Variants in SLC25A29 observed in about 807,000 individuals in gnomAD.
The protein encoded by SLC25A29 is solute carrier family 25 member 29.
A neutral mutation model predicts 10.0 loss-of-function variants in SLC25A29; 13 were observed. The ratio of observed to expected loss-of-function variants is 1.30; its 90% CI spans 0.85 to 2.07. SLC25A29 has a LOEUF of 2.07. SLC25A29 is among the 30% of genes most tolerant of loss of function. SLC25A29 has a pLI of 0.00. For missense variants in SLC25A29, 475 were observed against 447.6 expected (o/e 1.06, Z -0.55); for synonymous variants, 244 against 221.1 (o/e 1.10, Z -0.92).
At chr14:100,293,476 G>A in intron 2 of SLC25A29, 99 bp from the exon 3 acceptor site, 1 of 1,056,194 alleles carries the variant, frequency 9.5e-7, no homozygotes, top group Non-Finnish European at 1.4e-6. Flanking sequence ...TCCCAAGGAG[G>A]CCGGGCACTC....
At position 100,298,870 on chromosome 14, in the gene SLC25A29, A is replaced by G. The variant is rs771580720; in HGVS notation, c.50T>C (p.Leu17Pro). The change falls in exon 2 of 4, where the codon CTT becomes CCT. Residue 17 changes from leucine (L) to proline (P), a missense_variant. Leu to Pro is a moderately conservative substitution (Grantham distance 98). Coordinates refer to ENST00000359232, the MANE Select transcript of SLC25A29 (RefSeq NM_001039355.3). ...GACCGTGTCAAACGGGTGTCCCACA[A>G]GCACGCCTGCCACACCTGGAGGAGG... Reference protein sequence around the residue: ...AGCAGGVAGVLVGHPFDTVKV... With the variant: ...AGCAGGVAGVPVGHPFDTVKV... The G allele has an allele frequency of 6.2e-7, 1 of 1,614,236 alleles. No homozygotes were observed. The highest frequency in any genetic ancestry group is 1.1e-5 in the South Asian group (1 of 91,086).
the SLC25A29 span, chr14:100,281,155 A>AG: frequency 6.8e-6 from 1 of 146,256 alleles, no homozygotes; most frequent in Admixed American, 6.9e-5. Context: ...GATCACTTCC[A>AG]GGGTCTCTGA....
the SLC25A29 span, among the ~76,000 whole-genome samples, chr14:100,285,393 C>T: frequency 2.6e-5 from 4 of 151,840 alleles, no homozygotes; most frequent in African/African-American, 9.7e-5. Flanking sequence ...CCCCCACCCG[C>T]AGGGTGCGCC....
chr14:100,288,771 A>C (rs945311826), downstream of SLC25A29, among the ~76,000 whole-genome samples: 2 of 152,192 alleles, frequency 1.3e-5, no homozygotes, highest in Admixed American at 6.5e-5. Context: ...TATCCAATGA[A>C]ATATGCCATG....
chr14:100,289,498 C>G (rs1891614067), downstream of SLC25A29, among the ~76,000 whole-genome samples: 1 of 152,116 alleles, frequency 6.6e-6, no homozygotes, highest in Non-Finnish European at 1.5e-5. Flanking sequence ...AGCCTGGATT[C>G]TGGTAGTATT....
In SLC25A29 at chr14:100,293,319, A is replaced by C. The variant is rs1891903012; in HGVS notation, c.137T>G (p.Phe46Cys). ...KPQYRGTLHC[F>C]KSIIKQESVL... ...GCTCTCTTGCTTGATGATGGACTTGAAGCAGTGCAACGTCCCGCGGTACTG... is the reference window on the plus strand; with the variant it reads ...GCTCTCTTGCTTGATGATGGACTTGCAGCAGTGCAACGTCCCGCGGTACTG... Residue 46 changes from phenylalanine (F) to cysteine (C), a missense_variant, in exon 3 of 4, where the codon TTC becomes TGC. Physicochemically the swap from Phe to Cys is radical, Grantham distance 205. Coordinates refer to ENST00000359232, the MANE Select transcript of SLC25A29 (RefSeq NM_001039355.3). The C allele has an allele frequency of 1.2e-6, 2 of 1,613,360 alleles. No homozygotes were observed. Among genetic ancestry groups the C allele is most frequent in the Non-Finnish European group, 1.7e-6 (2 of 1,179,986 alleles).
At chr14:100,287,276 A>C (rs570432884), downstream of SLC25A29, among the ~76,000 whole-genome samples, 1 of 152,348 alleles carries the variant, frequency 6.6e-6, no homozygotes, top group East Asian at 1.9e-4. Flanking sequence ...CTGAGATTGG[A>C]AAAACAGTTT....
chr14:100,293,634 G>T lies in SLC25A29; in HGVS notation c.79-257C>A, dbSNP rs561692353. On this transcript the variant is annotated intron_variant, in intron 2 of 3. Coordinates refer to ENST00000359232, the MANE Select transcript of SLC25A29 (RefSeq NM_001039355.3). The stretch of plus-strand genomic sequence containing the variant: ...TCCCCAAGATCTCAGACCAATTCAG[G>T]TTAAGCCTCTTGTTTACACTATGGC... 334 of 510,010 alleles carry T rather than the reference G, an allele frequency of 6.5e-4. 6 individuals are homozygous for T. In the South Asian group the frequency reaches 7.2e-3, roughly 11 times the overall value. The allele number at this position is 510,010 out of a possible 1,614,324, so 31.6% of individuals were successfully genotyped here. A position where few individuals can be genotyped will look rare whatever the true frequency, so the allele number is the denominator to read the frequency against.
At chr14:100,290,951 G>A (rs1457689028), downstream of SLC25A29, among the ~76,000 whole-genome samples, 1 of 152,252 alleles carries the variant, frequency 6.6e-6, no homozygotes, top group Non-Finnish European at 1.5e-5. Flanking sequence ...CCTTGCAGAT[G>A]AGAAAACAGG....
intron 1 of SLC25A29, among the ~76,000 whole-genome samples, chr14:100,300,830 A>G (rs951794028): frequency 6.6e-6 from 1 of 152,286 alleles, no homozygotes; most frequent in Admixed American, 6.5e-5. Flanking sequence ...TTTTATGTAA[A>G]TGGTTTATTT....
At chr14:100,296,066 A>G in intron 2 of SLC25A29, 1 of 1,247,194 alleles carries the variant, frequency 8.0e-7, no homozygotes, top group Non-Finnish European at 1.0e-6. Context: ...ACTGACACAG[A>G]CTCGGGTGGC....
At chr14:100,297,545 C>T (rs1202221927) in intron 2 of SLC25A29, among the ~76,000 whole-genome samples, 1 of 152,232 alleles carries the variant, frequency 6.6e-6, no homozygotes, top group Non-Finnish European at 1.5e-5. Flanking sequence ...CACAGTGCAA[C>T]GTGGACACTG....
In SLC25A29 at chr14:100,293,223, G is replaced by T. The variant is rs567898975; in HGVS notation, c.162+71C>A. On this transcript the variant is annotated intron_variant, in intron 3 of 3. Coordinates refer to ENST00000359232, the MANE Select transcript of SLC25A29 (RefSeq NM_001039355.3). ...ACCTTCCTTCCTGGCTCTCTGGTCTGGGGTGGTGGCAGCCCGGAAGCTAGT... is the reference window on the plus strand; with the variant it reads ...ACCTTCCTTCCTGGCTCTCTGGTCTTGGGTGGTGGCAGCCCGGAAGCTAGT... 2.7e-4 allele frequency: 421 copies of T among 1,549,560 alleles called. 5 individuals carry two copies. The South Asian group carries it at 4.7e-3, about 17-fold the overall frequency.
downstream of SLC25A29, among the ~76,000 whole-genome samples, chr14:100,288,093 A>G (rs1891581196): frequency 6.6e-6 from 1 of 152,124 alleles, no homozygotes; most frequent in Non-Finnish European, 1.5e-5. Context: ...GCCGCAAGAC[A>G]GTCTGGGGGC....
rs577941507 is a variant in SLC25A29, at chr14:100,300,783, G to C, written c.35-1898C>G. Among the ~76,000 whole-genome samples the C allele has an allele frequency of 3.9e-5, 6 of 152,282 alleles. No homozygotes were observed. The South Asian group carries it at 1.0e-3, about 26-fold the overall frequency. On this transcript the variant is annotated intron_variant, in intron 1 of 3. Transcript: ENST00000359232. ...AGTCTAAAGCAGTCTGATTTTGCTGGAACAACTGAGGGATCTGACATTTTT... is the reference window on the plus strand; with the variant it reads ...AGTCTAAAGCAGTCTGATTTTGCTGCAACAACTGAGGGATCTGACATTTTT...
At chr14:100,285,627 G>A in the SLC25A29 span, among the ~76,000 whole-genome samples, 1 of 152,100 alleles carries the variant, frequency 6.6e-6, no homozygotes, top group African/African-American at 2.4e-5. Context: ...CGGGGGCGCG[G>A]AGATTCAGAG....
At position 100,295,238 on chromosome 14, in the gene SLC25A29, C is replaced by T. The variant is rs1014608563; in HGVS notation, c.79-1861G>A. The T allele has an allele frequency of 6.1e-5, 12 of 196,684 alleles. 1 individual carries two copies. The highest frequency in any genetic ancestry group is 3.4e-4 in the South Asian group (4 of 11,800). The allele number at this position is 196,684 out of a possible 1,614,324, so 12.2% of individuals were successfully genotyped here. A position where few individuals can be genotyped will look rare whatever the true frequency, so the allele number is the denominator to read the frequency against. On this transcript the variant is annotated intron_variant, in intron 2 of 3. Transcript: ENST00000359232. ...CCCCTCAGTACCCCTCAGTCTGTGA[C>T]GAGCCCTTGCTCTCTGGGAGAGGAA...
At chr14:100,296,906 G>A (rs536512183) in intron 2 of SLC25A29, among the ~76,000 whole-genome samples, 48 of 152,292 alleles carry the variant, frequency 3.2e-4, no homozygotes, top group African/African-American at 1.1e-3. Context: ...CAGGATGTGT[G>A]CACTTTCTAT....
At chr14:100,296,733 G>C (rs1892180051) in intron 2 of SLC25A29, among the ~76,000 whole-genome samples, 1 of 152,092 alleles carries the variant, frequency 6.6e-6, no homozygotes, top group Non-Finnish European at 1.5e-5. Context: ...CGAGTAGCTG[G>C]GACTACAGGC....
Sources: gnomAD v4.1 joint callset for allele counts (sites outside exome capture counted in the v4.1 genomes callset) on GRCh38, gnomAD v4.1.1 for gene constraint, MANE v1.5 for transcripts, NCBI Gene and HGNC (gene_info 2026-07-23, HGNC 2026-07-21) for gene names.